The following EEIG2 variants were observed in gnomAD, a reference collection of about 807,000 sequenced individuals.
EEIG2 encodes EEIG family member 2.
chr1:108,579,601 C>A, the EEIG2 span, among the ~76,000 whole-genome samples: 1 of 151,188 alleles, frequency 6.6e-6, no homozygotes, highest in Non-Finnish European at 1.5e-5. Context: ...TAATAGACAT[C>A]TACAGAACTC....
chr1:108,625,772 C>CTGTG, the EEIG2 span: 8 of 109,346 alleles, frequency 7.3e-5, no homozygotes, highest in African/African-American at 3.0e-4. Flanking sequence ...CTCTCTCTCT[C>CTGTG]TCTGTGTGTG....
At chr1:108,624,243 G>A in the EEIG2 span, among the ~76,000 whole-genome samples, 1 of 152,062 alleles carries the variant, frequency 6.6e-6, no homozygotes, top group Non-Finnish European at 1.5e-5. Context: ...CACAGTCTCT[G>A]AAGCAGGAGG....
At chr1:108,576,587 G>A in the EEIG2 span, among the ~76,000 whole-genome samples, 3 of 139,664 alleles carry the variant, frequency 2.1e-5, no homozygotes, top group East Asian at 2.1e-4. Flanking sequence ...GAGAATGATG[G>A]TTTCCAATTT....
At chr1:108,569,516 T>C in the EEIG2 span, among the ~76,000 whole-genome samples, 1 of 152,122 alleles carries the variant, frequency 6.6e-6, no homozygotes, top group South Asian at 2.1e-4. Flanking sequence ...TGTAGAGATG[T>C]GGTCTTGCTA....
At chr1:108,593,576 T>C in the EEIG2 span, among the ~76,000 whole-genome samples, 2 of 152,174 alleles carry the variant, frequency 1.3e-5, no homozygotes, top group Non-Finnish European at 2.9e-5. Context: ...GACTGCATAT[T>C]GGATAAGTAA....
At chr1:108,570,322 A>G in the EEIG2 span, among the ~76,000 whole-genome samples, 1 of 152,148 alleles carries the variant, frequency 6.6e-6, no homozygotes, top group Non-Finnish European at 1.5e-5. Flanking sequence ...AACTGCTGCC[A>G]CATAGAGGAA....
the EEIG2 span, among the ~76,000 whole-genome samples, chr1:108,621,895 G>T: frequency 1.3e-5 from 2 of 151,852 alleles, no homozygotes; most frequent in Non-Finnish European, 2.9e-5. Flanking sequence ...GGTGGCTCAC[G>T]CCTGTAATCC....
the EEIG2 span, among the ~76,000 whole-genome samples, chr1:108,602,531 A>C: frequency 6.6e-6 from 1 of 152,152 alleles, no homozygotes; most frequent in Non-Finnish European, 1.5e-5. Flanking sequence ...TGTTTTTATA[A>C]GAATACCAGT....
the EEIG2 span, among the ~76,000 whole-genome samples, chr1:108,620,348 A>G: frequency 1.8e-4 from 2 of 11,270 alleles, no homozygotes; most frequent in Non-Finnish European, 2.2e-3. Flanking sequence ...ATTATATACC[A>G]TAAGGCCAGA....
chr1:108,568,599 C>T, the EEIG2 span, among the ~76,000 whole-genome samples: 18 of 152,144 alleles, frequency 1.2e-4, no homozygotes, highest in African/African-American at 4.3e-4. Flanking sequence ...GAATGGATGT[C>T]AGGTGCTATA....
the EEIG2 span, among the ~76,000 whole-genome samples, chr1:108,632,074 A>ACT: frequency 4.9e-5 from 7 of 143,514 alleles, no homozygotes; most frequent in Admixed American, 7.5e-5. Flanking sequence ...AGATTGCACC[A>ACT]CTGCACTCCA....
At chr1:108,612,567 G>C in the EEIG2 span, among the ~76,000 whole-genome samples, 1 of 152,220 alleles carries the variant, frequency 6.6e-6, no homozygotes, top group Non-Finnish European at 1.5e-5. Context: ...AGCTCATTGG[G>C]AGGAAGGAGC....
the EEIG2 span, among the ~76,000 whole-genome samples, chr1:108,569,101 A>G: frequency 6.6e-6 from 1 of 152,248 alleles, no homozygotes; most frequent in Non-Finnish European, 1.5e-5. Context: ...TAAAGAAGGA[A>G]TAGACTATGC....
At chr1:108,623,940 G>A in the EEIG2 span, among the ~76,000 whole-genome samples, 2 of 151,912 alleles carry the variant, frequency 1.3e-5, no homozygotes, top group South Asian at 2.1e-4. Context: ...CCAAAGTGCT[G>A]AGATTACAGG....
the EEIG2 span, among the ~76,000 whole-genome samples, chr1:108,615,552 T>G: frequency 6.6e-6 from 1 of 151,538 alleles, no homozygotes; most frequent in Admixed American, 6.6e-5. Flanking sequence ...AGGGGTAGGA[T>G]CACTTGAGGC....
At chr1:108,579,770 T>TGAGAGAGAGAGAGAGA in the EEIG2 span, among the ~76,000 whole-genome samples, 251 of 23,156 alleles carry the variant, frequency 0.011, no homozygotes, top group African/African-American at 0.021. Context: ...TGTGTGTGTG[T>TGAGAGAGAGAGAGAGA]GTGAGAGAGA....
chr1:108,621,774 A>G, the EEIG2 span, among the ~76,000 whole-genome samples: 1 of 152,058 alleles, frequency 6.6e-6, no homozygotes, highest in Non-Finnish European at 1.5e-5. Flanking sequence ...TGTAGGCTCC[A>G]TTCTTTGTGT....
the EEIG2 span, among the ~76,000 whole-genome samples, chr1:108,589,300 A>G: frequency 2.0e-5 from 3 of 152,110 alleles, no homozygotes; most frequent in Admixed American, 1.3e-4. Flanking sequence ...CTCTTCTTAC[A>G]TGTTAAAATG....
chr1:108,628,793 C>A, the EEIG2 span: 3 of 1,612,136 alleles, frequency 1.9e-6, no homozygotes, highest in Non-Finnish European at 8.5e-7. Context: ...AGCCTAGATT[C>A]CAGTGCGGAA....
Sources: gnomAD v4.1 joint callset for allele counts (sites outside exome capture counted in the v4.1 genomes callset) on GRCh38, gnomAD v4.1.1 for gene constraint, MANE v1.5 for transcripts, NCBI Gene and HGNC (gene_info 2026-07-23, HGNC 2026-07-21) for gene names.